CHCHD3: variants seen among roughly 807,000 people sequenced by gnomAD.
CHCHD3 encodes coiled-coil-helix-coiled-coil-helix domain containing 3, also known as MICOS complex subunit MIC19.
A neutral mutation model predicts 38.2 loss-of-function variants in CHCHD3; 20 were observed. That is an observed-to-expected ratio of 0.52 (90% CI 0.37 to 0.76). The LOEUF (loss-of-function observed/expected upper bound fraction) is 0.76. Ranked by LOEUF, CHCHD3 falls within the 30% of genes least tolerant of loss-of-function variation. The pLI is 0.00. For synonymous variants in CHCHD3, 82 were observed against 100.0 expected (o/e 0.82, Z 1.07); for missense variants, 245 against 279.2 (o/e 0.88, Z 0.87).
chr7:133,040,932 G>A (rs980550939), intron 2 of CHCHD3, among the ~76,000 whole-genome samples: 67 of 152,098 alleles, frequency 4.4e-4, no homozygotes, highest in African/African-American at 1.4e-3. Flanking sequence ...CCATTCAGTC[G>A]CAGTCGAAGA....
chr7:133,008,686 T>G (rs988796812), intron 3 of CHCHD3, among the ~76,000 whole-genome samples: 1 of 152,200 alleles, frequency 6.6e-6, no homozygotes, highest in Non-Finnish European at 1.5e-5. Context: ...TGTAGGCTTA[T>G]GTCAGTAAAC....
At chr7:133,012,481 A>C (rs1001330596) in intron 3 of CHCHD3, among the ~76,000 whole-genome samples, 12 of 152,292 alleles carry the variant, frequency 7.9e-5, no homozygotes, top group African/African-American at 2.9e-4. Context: ...ATAAATCTTC[A>C]GGCCAGGCAC....
intron 7 of CHCHD3, among the ~76,000 whole-genome samples, chr7:132,792,136 T>G (rs535173308): frequency 1.3e-5 from 2 of 152,158 alleles, no homozygotes; most frequent in Non-Finnish European, 2.9e-5. Context: ...TTGCCTCTGG[T>G]CCCAGTTTGC....
At chr7:133,024,324 C>T (rs529256517) in intron 3 of CHCHD3, among the ~76,000 whole-genome samples, 39 of 152,310 alleles carry the variant, frequency 2.6e-4, no homozygotes, top group African/African-American at 8.9e-4. Context: ...GCAACCAATA[C>T]AAGAGATATA....
intron 6 of CHCHD3, among the ~76,000 whole-genome samples, chr7:132,819,005 T>C (rs1807273923): frequency 6.6e-6 from 1 of 152,184 alleles, no homozygotes; most frequent in Non-Finnish European, 1.5e-5. Context: ...ATCAAACCAT[T>C]AGGCCAGACA....
intron 2 of CHCHD3, among the ~76,000 whole-genome samples, chr7:133,062,706 AC>A (rs1385253033): frequency 6.6e-6 from 1 of 152,202 alleles, no homozygotes; most frequent in East Asian, 1.9e-4. Flanking sequence ...GCTCCTGAGT[AC>A]TGTGACTCCA....
At chr7:132,902,834 T>C (rs1233972330) in intron 4 of CHCHD3, among the ~76,000 whole-genome samples, 5 of 151,846 alleles carry the variant, frequency 3.3e-5, no homozygotes, top group Admixed American at 2.6e-4. Context: ...AAATAAAAAA[T>C]AATAAAAAAA....
chr7:132,890,686 C>T (rs1809338792), intron 4 of CHCHD3, among the ~76,000 whole-genome samples: 1 of 146,120 alleles, frequency 6.8e-6, no homozygotes, highest in Admixed American at 6.7e-5. Context: ...GGTACCTACT[C>T]AACTTTCCAT....
At chr7:133,073,462 T>C (rs1173028555) in intron 1 of CHCHD3, among the ~76,000 whole-genome samples, 1 of 152,186 alleles carries the variant, frequency 6.6e-6, no homozygotes, top group East Asian at 1.9e-4. Flanking sequence ...ACACCTTCCT[T>C]CTGGCAAACC....
intron 5 of CHCHD3, among the ~76,000 whole-genome samples, chr7:132,846,510 G>A (rs749655249): frequency 2.6e-4 from 39 of 152,360 alleles, no homozygotes; most frequent in South Asian, 1.4e-3. Flanking sequence ...CCTTCTCTGT[G>A]TTCTTACAAA....
intron 4 of CHCHD3, among the ~76,000 whole-genome samples, chr7:132,937,603 T>C (rs983707625): frequency 2.6e-5 from 4 of 152,214 alleles, no homozygotes; most frequent in African/African-American, 9.6e-5. Flanking sequence ...TTAGAAGAAA[T>C]TGGCCTGCAT....
chr7:132,905,037 T>C (rs944023153), intron 4 of CHCHD3, among the ~76,000 whole-genome samples: 16 of 150,996 alleles, frequency 1.1e-4, no homozygotes, highest in African/African-American at 3.4e-4. Flanking sequence ...TAGGTGGGAA[T>C]TGAACAATGA....
intron 5 of CHCHD3, chr7:132,848,951 T>C (rs1180452536): frequency 6.6e-6 from 1 of 152,182 alleles, no homozygotes; most frequent in African/African-American, 2.4e-5. Flanking sequence ...CTAATTTAAA[T>C]AGATTGCAAA....
At chr7:133,042,390 C>A (rs1322472681) in intron 2 of CHCHD3, among the ~76,000 whole-genome samples, 6 of 152,178 alleles carry the variant, frequency 3.9e-5, no homozygotes, top group Non-Finnish European at 7.3e-5. Flanking sequence ...ACCAAGAGAA[C>A]ACATTCTGAG....
chr7:132,844,030 T>C (rs552422811), intron 5 of CHCHD3, among the ~76,000 whole-genome samples: 1 of 152,362 alleles, frequency 6.6e-6, no homozygotes, highest in Non-Finnish European at 1.5e-5. Flanking sequence ...CCGGGCGAAG[T>C]GGCTCACGCC....
intron 1 of CHCHD3, among the ~76,000 whole-genome samples, chr7:133,073,912 T>C (rs1468961872): frequency 2.0e-5 from 3 of 152,220 alleles, no homozygotes; most frequent in Non-Finnish European, 2.9e-5. Flanking sequence ...TCCATCTCCT[T>C]GCCTTTACAC....
rs146207088 is a variant in CHCHD3 at position 132,826,781 on chromosome 7, A to G, written c.524+11618T>C. Among the ~76,000 whole-genome samples the G allele has an allele frequency of 4.7e-4, 71 of 152,372 alleles. No homozygotes were observed. In the East Asian group the frequency reaches 0.014, roughly 29 times the overall value. ...GCATATGATTATTATATTGAAAAGT[A>G]CCAGTGCTACTGTACAAATGTTTCA... On this transcript the variant is annotated intron_variant, in intron 6 of 7. Coordinates refer to ENST00000262570, the MANE Select transcript of CHCHD3 (RefSeq NM_017812.4).
At chr7:132,908,032 G>A (rs1007670747) in intron 4 of CHCHD3, among the ~76,000 whole-genome samples, 9 of 151,912 alleles carry the variant, frequency 5.9e-5, no homozygotes, top group African/African-American at 2.2e-4. Flanking sequence ...CCGAAACTAG[G>A]CAATTTGAAG....
At chr7:132,887,542 A>G (rs945257766) in intron 4 of CHCHD3, among the ~76,000 whole-genome samples, 2 of 151,786 alleles carry the variant, frequency 1.3e-5, no homozygotes, top group African/African-American at 2.4e-5. Context: ...AGAAATCCCA[A>G]CATGTAACTG....
Sources: gnomAD v4.1 joint callset for allele counts (sites outside exome capture counted in the v4.1 genomes callset) on GRCh38, gnomAD v4.1.1 for gene constraint, MANE v1.5 for transcripts, NCBI Gene and HGNC (gene_info 2026-07-23, HGNC 2026-07-21) for gene names.